Variants in FBXW11 observed in about 807,000 individuals in gnomAD.
FBXW11 encodes F-box/WD repeat-containing protein 11.
FBXW11 carries 19 observed loss-of-function variants against 77.6 expected under a neutral mutation model. That is an observed-to-expected ratio of 0.24 (90% CI 0.17 to 0.36). The LOEUF is 0.36. Among genes scored for constraint, FBXW11 ranks in the 10% least tolerant of loss-of-function variants. FBXW11 has a pLI of 1.00. For missense variants in FBXW11, 334 were observed against 704.2 expected, an observed-to-expected ratio of 0.47 and a Z score of 5.95; for synonymous variants, 235 against 249.4, an observed-to-expected ratio of 0.94 and a Z score of 0.54.
chr5:171,911,281 G>C (rs1760866549), intron 3 of FBXW11, among the ~76,000 whole-genome samples: 2 of 152,190 alleles, frequency 1.3e-5, no homozygotes, highest in Non-Finnish European at 2.9e-5. Context: ...GCTAGCATCA[G>C]AATAACAGGA....
chr5:171,968,817 C>T (rs571584002), intron 1 of FBXW11, among the ~76,000 whole-genome samples: 166 of 152,314 alleles, frequency 1.1e-3, no homozygotes, highest in Admixed American at 1.9e-3. Flanking sequence ...CCTGCTCCTT[C>T]TACCCACCAT....
intron 2 of FBXW11, among the ~76,000 whole-genome samples, chr5:171,940,535 C>A (rs1465101921): frequency 6.6e-6 from 1 of 152,000 alleles, no homozygotes; most frequent in Non-Finnish European, 1.5e-5. Context: ...ACAAGATAAG[C>A]CTGGAACATG....
chr5:171,865,230 G>A lies in FBXW11; in HGVS notation c.*26-1129C>T, dbSNP rs145404631. Among the ~76,000 whole-genome samples, 3 of 151,642 alleles carry A rather than the reference G, an allele frequency of 2.0e-5. No individual in the cohort carries two copies. In the East Asian group the frequency reaches 5.8e-4, roughly 29 times the overall value. ...GAGCATAAACTGACTGAACTCTTCT[G>A]GAGGGCAAAATGACCTACATACGCA... is the stretch of plus-strand genomic sequence containing the variant. On this transcript the variant is annotated intron_variant, in intron 13 of 13. Transcript: ENST00000517395.
chr5:171,945,622 C>T (rs1347790579), intron 2 of FBXW11, among the ~76,000 whole-genome samples: 1 of 152,118 alleles, frequency 6.6e-6, no homozygotes, highest in Non-Finnish European at 1.5e-5. Flanking sequence ...ATAGTTCTTC[C>T]ACAAATTGAG....
At position 171,876,369 on chromosome 5, in the gene FBXW11, G is replaced by A. The variant is rs1227192682; in HGVS notation, c.1137C>T (p.Val379=). ...ASATDITLRR[V]LVGHRAAVNV... Reference sequence around the variant, plus strand: ...TGACGGCAGCCCGGTGGCCAACCAGGACACGGCGTAAAGTGATGTCGGTCG... The same window carrying A: ...TGACGGCAGCCCGGTGGCCAACCAGAACACGGCGTAAAGTGATGTCGGTCG... The change falls in exon 9 of 14, where the codon GTC becomes GTT. Residue 379 remains valine, a synonymous_variant. Coordinates refer to ENST00000517395, the MANE Select transcript of FBXW11 (RefSeq NM_001378974.1). The surrounding 1 kb of genome is among the most constrained non-coding windows in gnomAD (Gnocchi z 4.2). 2.5e-6 allele frequency: 4 copies of A among 1,614,164 alleles called. No homozygotes were observed. In the East Asian group the frequency reaches 6.7e-5, roughly 27 times the overall value.
intron 1 of FBXW11, among the ~76,000 whole-genome samples, chr5:171,967,855 C>CATATATATAT (rs375683631): frequency 2.4e-4 from 29 of 118,514 alleles, no homozygotes; most frequent in African/African-American, 1.0e-3. Context: ...AAAAAAAATG[C>CATATATATAT]ATATATATAT....
intron 2 of FBXW11, among the ~76,000 whole-genome samples, chr5:171,922,396 C>G (rs988239576): frequency 6.6e-6 from 1 of 152,112 alleles, no homozygotes; most frequent in Non-Finnish European, 1.5e-5. Context: ...ACACGTAGGC[C>G]CCTAAAACCC....
At chr5:171,946,154 G>A (rs10475993) in intron 2 of FBXW11, among the ~76,000 whole-genome samples, 113,701 of 152,112 alleles carry the variant, frequency 0.75, 45,473 homozygotes, top group East Asian at 0.95. Flanking sequence ...GGCTGCAACA[G>A]GGAAATCTTG....
At chr5:171,950,907 A>G (rs1022110435) in intron 2 of FBXW11, among the ~76,000 whole-genome samples, 10 of 152,044 alleles carry the variant, frequency 6.6e-5, no homozygotes, top group Non-Finnish European at 1.2e-4. Context: ...ATAAATAAAT[A>G]ATTTTTTTTT....
chr5:171,979,855 T>A (rs961536212), intron 1 of FBXW11, among the ~76,000 whole-genome samples: 1 of 152,200 alleles, frequency 6.6e-6, no homozygotes, highest in Non-Finnish European at 1.5e-5. Flanking sequence ...GGGTCATTTA[T>A]AACCTGACAT....
rs754663692 is a variant in FBXW11, at chr5:171,862,093, C to CCATT, written c.*2030_*2033dup. ...TAAACATGCAAAAACAACAAAAAAT[C>CCATT]CATTCATTCATTCAGAATTGCCTCC... On this transcript the variant is annotated 3_prime_UTR_variant, in exon 14 of 14. Transcript: ENST00000517395. 2.0e-5 allele frequency: 3 copies of CCATT among 152,578 alleles called. No homozygotes were observed. Among genetic ancestry groups the CCATT allele is most frequent in the East Asian group, 1.9e-4 (1 of 5,188 alleles). 9.5% of individuals were successfully genotyped at this position (152,578 alleles called of 1,614,324 possible).
intron 4 of FBXW11, among the ~76,000 whole-genome samples, chr5:171,909,958 T>C (rs1252332880): frequency 2.0e-5 from 3 of 151,348 alleles, no homozygotes; most frequent in Non-Finnish European, 4.4e-5. Context: ...TAAAATTACA[T>C]ACAAAGGCAA....
chr5:171,867,069 A>T (rs839307), intron 13 of FBXW11, among the ~76,000 whole-genome samples: 141,613 of 152,256 alleles, frequency 0.93, 65,949 homozygotes, highest in East Asian at 1. Flanking sequence ...AAGGCAACAC[A>T]CCCACCAGTC....
chr5:171,885,281 G>A (rs1461566445), intron 7 of FBXW11, among the ~76,000 whole-genome samples: 1 of 152,166 alleles, frequency 6.6e-6, no homozygotes, highest in Non-Finnish European at 1.5e-5. Context: ...GAGAGAATCT[G>A]GTAGAGCTCT....
chr5:171,886,381 C>T (rs861429), intron 7 of FBXW11, among the ~76,000 whole-genome samples: 126,925 of 146,620 alleles, frequency 0.87, 55,935 homozygotes, highest in East Asian at 1. Context: ...ATGAGAACAC[C>T]TGGACACAGG....
At chr5:171,878,231 G>T in intron 7 of FBXW11, 102 bp from the exon 8 acceptor site, 1 of 785,296 alleles carries the variant, frequency 1.3e-6, no homozygotes, top group Non-Finnish European at 2.1e-6. Context: ...AAACACACTT[G>T]GGTTACAGTA....
chr5:171,978,501 G>C (rs1161390008), intron 1 of FBXW11, among the ~76,000 whole-genome samples: 1 of 152,196 alleles, frequency 6.6e-6, no homozygotes, highest in African/African-American at 2.4e-5. Flanking sequence ...CCACCTCAAA[G>C]CAGCAAAGGC....
At chr5:171,945,003 G>A (rs150572230) in intron 2 of FBXW11, among the ~76,000 whole-genome samples, 2 of 152,278 alleles carry the variant, frequency 1.3e-5, no homozygotes, top group African/African-American at 4.8e-5. Context: ...TTTAGAAACA[G>A]ATGTGTTTAC....
rs1161393359 is a variant in FBXW11, at chr5:171,940,015, AT to A, written c.147+17581del. Among the ~76,000 whole-genome samples, 3 of 152,054 alleles carry A rather than the reference AT, an allele frequency of 2.0e-5. No homozygotes were observed. The East Asian group carries it at 5.8e-4, about 29-fold the overall frequency. Reference sequence around the variant, plus strand: ...GCTATGTAAATAGTTGTTCTACTGTATTTTTATTTGTATTATTTTTTACTGT... The same window carrying A: ...GCTATGTAAATAGTTGTTCTACTGTATTTTATTTGTATTATTTTTTACTGT... On this transcript the variant is annotated intron_variant, in intron 2 of 13. Transcript: ENST00000517395.
Sources: gnomAD v4.1 joint callset for allele counts (sites outside exome capture counted in the v4.1 genomes callset) on GRCh38, gnomAD v4.1.1 for gene constraint, Gnocchi (gnomAD v3.1) non-coding constraint, MANE v1.5 for transcripts, NCBI Gene and HGNC (gene_info 2026-07-23, HGNC 2026-07-21) for gene names.